NAA60: variants seen among roughly 807,000 people sequenced by gnomAD.
The protein encoded by NAA60 is N-alpha-acetyltransferase 60, NatF catalytic subunit, also known as N-alpha-acetyltransferase 60.
Under a neutral mutation model 26.1 loss-of-function variants are expected in NAA60, and 8 were observed. The ratio of observed to expected loss-of-function variants is 0.31; its 90% CI spans 0.18 to 0.55. NAA60 has a LOEUF of 0.55. NAA60 is among the 20% of genes least tolerant of loss of function. NAA60 has a pLI of 0.93. For missense variants in NAA60, 290 were observed against 311.3 expected (o/e 0.93, Z 0.51); for synonymous variants, 131 against 122.5 (o/e 1.07, Z -0.46).
At position 3,485,685 on chromosome 16, in the gene NAA60, T is replaced by C. The variant is rs1236049943; in HGVS notation, c.*425T>C. On this transcript the variant is annotated 3_prime_UTR_variant, in exon 8 of 8. Coordinates refer to ENST00000407558, the MANE Select transcript of NAA60 (RefSeq NM_001083601.3). ...CTGCAAGGGAGGAACGCAAGTATTA[T>C]GGACACACTTGACCGTAAAGGCACA... 6 of 456,532 alleles carry C rather than the reference T, an allele frequency of 1.3e-5. No homozygotes were observed. Among genetic ancestry groups the C allele is most frequent in the African/African-American group, 4.0e-5 (2 of 50,088 alleles). 28.3% of individuals were successfully genotyped at this position (456,532 alleles called of 1,614,324 possible). A position where few individuals can be genotyped will look rare whatever the true frequency, so the allele number is the denominator to read the frequency against.
chr16:3,479,451 G>A lies in NAA60; in HGVS notation c.111-20G>A, dbSNP rs769216673. On this transcript the variant is annotated intron_variant, in intron 3 of 7. Transcript: ENST00000407558. ...GACTTGACCTGTGGCAGGTTCACCT[G>A]AGTATGTTCTGTTTCTCAGGTACCC... is the stretch of plus-strand genomic sequence containing the variant. 2.1e-5 allele frequency: 34 copies of A among 1,612,728 alleles called. No homozygotes were observed. The highest frequency in any genetic ancestry group is 2.8e-5 in the Non-Finnish European group (33 of 1,179,188).
rs1470589367 is a variant in NAA60, at chr16:3,485,478, C to G, written c.*218C>G. The G allele has an allele frequency of 4.4e-6, 2 of 456,936 alleles. No homozygotes were observed. Among genetic ancestry groups the G allele is most frequent in the African/African-American group, 2.0e-5 (1 of 50,114 alleles). 28.3% of individuals were successfully genotyped at this position (456,936 alleles called of 1,614,324 possible). ...TCTCTTTCCCACAGGCTCTTCAGCT[C>G]CCCTCCCTGCTTCTGGAAACCTCTG... is the stretch of plus-strand genomic sequence containing the variant. On this transcript the variant is annotated 3_prime_UTR_variant, in exon 8 of 8. Transcript: ENST00000407558.
At chr16:3,448,645 C>G in intron 2 of NAA60, 105 bp downstream of exon 2, 1 of 953,624 alleles carries the variant, frequency 1.0e-6, no homozygotes, top group South Asian at 1.6e-5. Flanking sequence ...TAAATATTCT[C>G]TTAATTTTTA....
At chr16:3,448,739 G>C (rs2034653358) in intron 2 of NAA60, 199 bp downstream of exon 2, 1 of 526,690 alleles carries the variant, frequency 1.9e-6, no homozygotes, top group Non-Finnish European at 3.4e-6. Flanking sequence ...CTTACGTTAG[G>C]TACACAGGGA....
intron 2 of NAA60, among the ~76,000 whole-genome samples, chr16:3,451,355 G>T (rs1276382721): frequency 2.6e-5 from 4 of 152,178 alleles, no homozygotes; most frequent in Non-Finnish European, 1.5e-5. Flanking sequence ...CTGAGTTGGA[G>T]GGAGGGTAAC....
At chr16:3,474,406 G>T (rs1174371862) in intron 2 of NAA60, among the ~76,000 whole-genome samples, 1 of 152,252 alleles carries the variant, frequency 6.6e-6, no homozygotes, top group African/African-American at 2.4e-5. Flanking sequence ...GAACCACCCT[G>T]GGGAGGGGCC....
intron 2 of NAA60, chr16:3,458,002 C>G: frequency 4.1e-6 from 4 of 985,316 alleles, no homozygotes; most frequent in Non-Finnish European, 4.8e-6. Context: ...TTCCGGGCTG[C>G]GCTGCCGGCA....
At chr16:3,458,859 CTG>C (rs1442583300) in intron 2 of NAA60, among the ~76,000 whole-genome samples, 1 of 152,134 alleles carries the variant, frequency 6.6e-6, no homozygotes, top group Non-Finnish European at 1.5e-5. Flanking sequence ...TAAAGGGAAT[CTG>C]TAGCTTTTGT....
rs1311909735 is a variant in NAA60 at position 3,466,373 on chromosome 16, A to T, written c.-6-9849A>T. Among the ~76,000 whole-genome samples, 3 of 152,300 alleles carry T rather than the reference A, an allele frequency of 2.0e-5. No homozygotes were observed. The East Asian group carries it at 5.8e-4, about 29-fold the overall frequency. On this transcript the variant is annotated intron_variant, in intron 2 of 7. Transcript: ENST00000407558. ...TGATTCATTTTTCTGCTGCTCTGAC[A>T]CTTTGGAAGAAGCCAGGGATGCTGA...
At chr16:3,448,692 C>A in intron 2 of NAA60, 152 bp downstream of exon 2, 1 of 625,168 alleles carries the variant, frequency 1.6e-6, no homozygotes, top group Non-Finnish European at 2.7e-6. Flanking sequence ...GAAACAAATG[C>A]TTTCACTTTT....
At chr16:3,475,020 A>C (rs2036389092) in intron 2 of NAA60, among the ~76,000 whole-genome samples, 1 of 150,960 alleles carries the variant, frequency 6.6e-6, no homozygotes. Context: ...GGTTCAGGCG[A>C]TCCTCCCACC....
At chr16:3,457,791 C>T (rs886753157) in intron 2 of NAA60, among the ~76,000 whole-genome samples, 30 of 152,130 alleles carry the variant, frequency 2.0e-4, no homozygotes, top group African/African-American at 7.2e-4. Flanking sequence ...GGCCGGGGAG[C>T]CCAGAGGTCT....
chr16:3,459,553 T>C (rs2150961883), intron 2 of NAA60, among the ~76,000 whole-genome samples: 1 of 152,282 alleles, frequency 6.6e-6, no homozygotes, highest in South Asian at 2.1e-4. Context: ...AGTCTTCATC[T>C]CCCTTCTTGT....
At chr16:3,476,902 G>A (rs1224451085) in intron 3 of NAA60, among the ~76,000 whole-genome samples, 1 of 152,130 alleles carries the variant, frequency 6.6e-6, no homozygotes, top group African/African-American at 2.4e-5. Flanking sequence ...TTAGCCAGGT[G>A]TGGTGGTGCG....
intron 2 of NAA60, among the ~76,000 whole-genome samples, chr16:3,464,068 C>CTGT (rs1471112035): frequency 6.6e-6 from 1 of 152,186 alleles, no homozygotes; most frequent in Admixed American, 6.5e-5. Context: ...GAGTCTCACT[C>CTGT]TGTTGCCCAG....
At chr16:3,478,816 G>A (rs2036645838) in intron 3 of NAA60, among the ~76,000 whole-genome samples, 1 of 152,148 alleles carries the variant, frequency 6.6e-6, no homozygotes, top group Non-Finnish European at 1.5e-5. Context: ...GATTCTCGTA[G>A]GCACTCCTCC....
intron 2 of NAA60, among the ~76,000 whole-genome samples, chr16:3,471,858 CGTGT>C (rs1270140892): frequency 6.6e-6 from 1 of 152,144 alleles, no homozygotes; most frequent in Non-Finnish European, 1.5e-5. Flanking sequence ...AGGAGGAGGC[CGTGT>C]GCTGGGGCCC....
intron 2 of NAA60, among the ~76,000 whole-genome samples, chr16:3,459,058 A>G (rs2035201497): frequency 6.6e-6 from 1 of 152,192 alleles, no homozygotes; most frequent in Non-Finnish European, 1.5e-5. Flanking sequence ...CTTGAGGCGT[A>G]CACTTTTGTG....
chr16:3,448,028 G>A (rs1388646357), intron 1 of NAA60, among the ~76,000 whole-genome samples: 8 of 152,066 alleles, frequency 5.3e-5, no homozygotes, highest in Non-Finnish European at 8.8e-5. Context: ...AATAATTATC[G>A]TTACTAGAAG....
Sources: allele counts gnomAD v4.1 joint callset (sites outside exome capture counted in the v4.1 genomes callset), GRCh38; gene constraint gnomAD v4.1.1; transcripts MANE v1.5; gene names NCBI Gene and HGNC (gene_info 2026-07-23, HGNC 2026-07-21).